ZC3H12B: variants seen among roughly 807,000 people sequenced by gnomAD.
The protein encoded by ZC3H12B is zinc finger CCCH-type containing 12B.
In ZC3H12B, 7 loss-of-function variants were observed where a neutral mutation model predicts 43.9. That is an observed-to-expected ratio of 0.16 (90% CI 0.09 to 0.30). The LOEUF (loss-of-function observed/expected upper bound fraction) is 0.30. Ranked by LOEUF, ZC3H12B falls within the 10% of genes least tolerant of loss-of-function variation. The probability of loss-of-function intolerance (pLI) is 1.00; values close to 1 mark genes in which losing one functional copy is unlikely to be tolerated. For missense variants in ZC3H12B, 475 were observed against 670.2 expected, an observed-to-expected ratio of 0.71 and a Z score of 3.22; for synonymous variants, 222 against 241.7, an observed-to-expected ratio of 0.92 and a Z score of 0.76.
chrX:65,298,866 T>G, the ZC3H12B span, among the ~76,000 whole-genome samples: 1 of 111,407 alleles, frequency 9.0e-6, no homozygotes, highest in African/African-American at 3.3e-5. Flanking sequence ...CAAGGCACCA[T>G]CTTCACAAGG....
chrX:65,053,505 CATT>C, the ZC3H12B span, among the ~76,000 whole-genome samples: 1 of 111,563 alleles, frequency 9.0e-6, no homozygotes, highest in Non-Finnish European at 1.9e-5. Flanking sequence ...TCCAATCTAT[CATT>C]GTTGGACATT....
intron 2 of ZC3H12B, among the ~76,000 whole-genome samples, chrX:65,393,237 G>A (rs911948361): frequency 7.2e-5 from 8 of 110,370 alleles, no homozygotes; most frequent in Non-Finnish European, 1.5e-4. Flanking sequence ...ACCCAAGAAT[G>A]ATCAATAAAT....
chrX:65,502,851 G>T, exon 5 of ZC3H12B: 1 of 1,211,294 alleles, frequency 8.3e-7, no homozygotes, highest in Non-Finnish European at 1.1e-6. Context: ...GTGAGGCAAA[G>T]ACGACCTCCC....
chrX:65,424,146 A>G (rs774989379), intron 3 of ZC3H12B, among the ~76,000 whole-genome samples: 94 of 112,004 alleles, frequency 8.4e-4, no homozygotes, highest in Non-Finnish European at 1.7e-3. Context: ...CAACTGTTTT[A>G]ATAACAGCCA....
chrX:65,230,650 A>G, the ZC3H12B span, among the ~76,000 whole-genome samples: 5 of 110,293 alleles, frequency 4.5e-5, no homozygotes, highest in Non-Finnish European at 9.5e-5. Context: ...TAAAAAGCAT[A>G]GAAAAAAATT....
At chrX:65,353,016 TTGTGTGTGTG>T in the ZC3H12B span, among the ~76,000 whole-genome samples, 1 of 105,126 alleles carries the variant, frequency 9.5e-6, no homozygotes, top group Admixed American at 1.0e-4. Context: ...CCCAGCTAAT[TTGTGTGTGTG>T]TGTGTGTGTG....
intron 2 of ZC3H12B, among the ~76,000 whole-genome samples, chrX:65,374,158 A>T (rs1401386563): frequency 3.8e-5 from 3 of 79,332 alleles, no homozygotes; most frequent in East Asian, 3.7e-4. Context: ...TACAGTGTAT[A>T]TATATAGTTA....
intron 3 of ZC3H12B, among the ~76,000 whole-genome samples, chrX:65,465,345 T>A (rs1166047846): frequency 9.0e-6 from 1 of 111,709 alleles, no homozygotes; most frequent in Non-Finnish European, 1.9e-5. Context: ...CATTTATGAT[T>A]ATAAAGTGCC....
the ZC3H12B span, among the ~76,000 whole-genome samples, chrX:65,035,893 G>A: frequency 1.8e-5 from 2 of 112,320 alleles, no homozygotes; most frequent in African/African-American, 3.2e-5. Context: ...TCAAACTTGA[G>A]AAGTAGGCAG....
chrX:65,376,505 C>G (rs1334527002), intron 2 of ZC3H12B, among the ~76,000 whole-genome samples: 1 of 111,706 alleles, frequency 9.0e-6, no homozygotes, highest in Non-Finnish European at 1.9e-5. Context: ...TGACCCAGCA[C>G]ATATCCAGTG....
At chrX:65,273,452 T>G in the ZC3H12B span, among the ~76,000 whole-genome samples, 1 of 110,996 alleles carries the variant, frequency 9.0e-6, no homozygotes, top group Non-Finnish European at 1.9e-5. Context: ...AAGGGACTTG[T>G]GGCACATGAT....
chrX:65,337,071 C>A, the ZC3H12B span, among the ~76,000 whole-genome samples: 1 of 111,762 alleles, frequency 8.9e-6, no homozygotes. Context: ...AGCATTTTTG[C>A]CTTTTATTAA....
the ZC3H12B span, among the ~76,000 whole-genome samples, chrX:65,175,082 T>C: frequency 1.2e-4 from 13 of 112,077 alleles, no homozygotes; most frequent in African/African-American, 3.9e-4. Flanking sequence ...AAAAGCACAG[T>C]ATCTGGGCCA....
At chrX:65,047,711 A>G in the ZC3H12B span, among the ~76,000 whole-genome samples, 3 of 111,092 alleles carry the variant, frequency 2.7e-5, no homozygotes, top group Non-Finnish European at 3.8e-5. Flanking sequence ...TTCATATTTC[A>G]ATGATATATA....
chrX:65,400,198 C>T (rs1458766162), intron 3 of ZC3H12B, among the ~76,000 whole-genome samples: 4 of 111,243 alleles, frequency 3.6e-5, no homozygotes, highest in African/African-American at 1.3e-4. Context: ...AAGCATCAAT[C>T]GATGTTATCA....
intron 2 of ZC3H12B, among the ~76,000 whole-genome samples, chrX:65,371,128 A>C (rs1028156669): frequency 9.0e-6 from 1 of 111,509 alleles, no homozygotes; most frequent in African/African-American, 3.3e-5. Context: ...TTAGGATGCT[A>C]TTTTATACCT....
intron 3 of ZC3H12B, among the ~76,000 whole-genome samples, chrX:65,451,122 G>A (rs2067502813): frequency 9.2e-6 from 1 of 108,892 alleles, no homozygotes; most frequent in Non-Finnish European, 1.9e-5. Flanking sequence ...TAATTTTTTT[G>A]TATTTATAGT....
intron 2 of ZC3H12B, among the ~76,000 whole-genome samples, chrX:65,389,163 T>C (rs1220684822): frequency 8.9e-6 from 1 of 112,217 alleles, no homozygotes; most frequent in Non-Finnish European, 1.9e-5. Context: ...TCTTCAAAGC[T>C]GTCAGACAGG....
At chrX:65,325,703 C>T in the ZC3H12B span, among the ~76,000 whole-genome samples, 1 of 111,004 alleles carries the variant, frequency 9.0e-6, no homozygotes, top group South Asian at 3.7e-4. Context: ...CAGCACTATT[C>T]CAATGTCATT....
Sources: allele counts gnomAD v4.1 joint callset (sites outside exome capture counted in the v4.1 genomes callset), GRCh38; gene constraint gnomAD v4.1.1; transcripts MANE v1.5; gene names NCBI Gene and HGNC (gene_info 2026-07-23, HGNC 2026-07-21).